Variants in TUSC3 observed in about 807,000 individuals in gnomAD.
TUSC3 encodes the protein dolichyl-diphosphooligosaccharide--protein glycosyltransferase subunit TUSC3.
Under a neutral mutation model 44.8 loss-of-function variants are expected in TUSC3, and 45 were observed. The ratio of observed to expected loss-of-function variants is 1.00; its 90% CI spans 0.79 to 1.29. The LOEUF (loss-of-function observed/expected upper bound fraction) is 1.29, where lower values mean the gene tolerates loss of function less well. TUSC3 is among the 50% of genes most tolerant of loss of function. The pLI is 0.00. For synonymous variants in TUSC3, 212 were observed against 152.9 expected, an observed-to-expected ratio of 1.39 and a Z score of -2.85; for missense variants, 519 against 437.9, an observed-to-expected ratio of 1.19 and a Z score of -1.65.
the TUSC3 span, among the ~76,000 whole-genome samples, chr8:15,839,808 A>G: frequency 1.1e-4 from 16 of 152,204 alleles, no homozygotes; most frequent in Non-Finnish European, 2.4e-4. Context: ...CCATTGTGGA[A>G]GACAGTGTGG....
At chr8:15,672,012 A>G (rs989439471) in intron 5 of TUSC3, among the ~76,000 whole-genome samples, 1 of 152,038 alleles carries the variant, frequency 6.6e-6, no homozygotes, top group African/African-American at 2.4e-5. Context: ...GAAAGGTTCC[A>G]TGGAGAACCA....
intron 2 of TUSC3, among the ~76,000 whole-genome samples, chr8:15,522,924 A>C (rs890716574): frequency 5.3e-5 from 8 of 152,186 alleles, no homozygotes; most frequent in Non-Finnish European, 1.2e-4. Flanking sequence ...CAAGGAGCAG[A>C]GAGAGGCGCA....
At chr8:15,699,775 A>G (rs1043049636) in intron 6 of TUSC3, among the ~76,000 whole-genome samples, 3 of 152,166 alleles carry the variant, frequency 2.0e-5, no homozygotes, top group Non-Finnish European at 4.4e-5. Flanking sequence ...TGTACAGGAA[A>G]AGTCTAATTT....
chr8:15,829,114 A>G, the TUSC3 span, among the ~76,000 whole-genome samples: 1 of 151,840 alleles, frequency 6.6e-6, no homozygotes, highest in African/African-American at 2.4e-5. Flanking sequence ...ATATTTTATT[A>G]TTCTATGTCG....
intron 1 of TUSC3, among the ~76,000 whole-genome samples, chr8:15,451,858 G>C (rs918133862): frequency 6.6e-6 from 1 of 151,930 alleles, no homozygotes; most frequent in Admixed American, 6.6e-5. Context: ...GCTTTGTGTG[G>C]GGGAAAAAAA....
intron 6 of TUSC3, among the ~76,000 whole-genome samples, chr8:15,690,815 T>G (rs1808867029): frequency 6.6e-6 from 1 of 151,946 alleles, no homozygotes; most frequent in African/African-American, 2.4e-5. Context: ...GTTGTAGGTG[T>G]GCAGCATTAC....
intron 1 of TUSC3, among the ~76,000 whole-genome samples, chr8:15,446,269 C>T (rs1275097650): frequency 1.3e-5 from 2 of 152,014 alleles, no homozygotes; most frequent in Admixed American, 6.6e-5. Flanking sequence ...AAGAGGCGCT[C>T]CTCACTTCCC....
intron 2 of TUSC3, among the ~76,000 whole-genome samples, chr8:15,500,987 T>G (rs1337239174): frequency 2.0e-5 from 3 of 152,204 alleles, no homozygotes; most frequent in Non-Finnish European, 4.4e-5. Context: ...AGTAACTCTT[T>G]CTGTATAGCT....
At chr8:15,694,479 G>A (rs1439587046) in intron 6 of TUSC3, among the ~76,000 whole-genome samples, 1 of 149,524 alleles carries the variant, frequency 6.7e-6, no homozygotes, top group Non-Finnish European at 1.5e-5. Flanking sequence ...GGGAACTAGT[G>A]TGGCCATTTG....
chr8:15,442,646 C>T (rs1371526622), intron 1 of TUSC3, among the ~76,000 whole-genome samples: 1 of 152,138 alleles, frequency 6.6e-6, no homozygotes, highest in Non-Finnish European at 1.5e-5. Context: ...ACAGACACCT[C>T]CCCCAACCCC....
intron 1 of TUSC3, among the ~76,000 whole-genome samples, chr8:15,614,275 T>C (rs1804891566): frequency 6.6e-6 from 1 of 152,128 alleles, no homozygotes; most frequent in African/African-American, 2.4e-5. Flanking sequence ...TGAGGCTCAC[T>C]TATGCCCACT....
chr8:15,633,811 A>G (rs531686997), intron 2 of TUSC3, among the ~76,000 whole-genome samples: 1 of 152,316 alleles, frequency 6.6e-6, no homozygotes, highest in Non-Finnish European at 1.5e-5. Context: ...TCTAGCCTCC[A>G]GAACTATGAG....
the TUSC3 span, among the ~76,000 whole-genome samples, chr8:15,829,466 A>G: frequency 6.6e-6 from 1 of 152,128 alleles, no homozygotes; most frequent in South Asian, 2.1e-4. Context: ...GGGTTAATTT[A>G]TCTCAGAGCA....
chr8:15,447,787 C>T (rs1239572917), intron 1 of TUSC3, among the ~76,000 whole-genome samples: 1 of 150,528 alleles, frequency 6.6e-6, no homozygotes. Context: ...TGTAAAATGT[C>T]AGAAAACTAT....
At chr8:15,820,310 CTTTT>C in the TUSC3 span, among the ~76,000 whole-genome samples, 247 of 97,560 alleles carry the variant, frequency 2.5e-3, no homozygotes, top group African/African-American at 8.3e-3. Context: ...ATCTGTAATT[CTTTT>C]TTTTTTTTTT....
At chr8:15,672,540 A>G (rs1455663031) in intron 5 of TUSC3, among the ~76,000 whole-genome samples, 1 of 152,078 alleles carries the variant, frequency 6.6e-6, no homozygotes, top group African/African-American at 2.4e-5. Flanking sequence ...CAACTCGAGT[A>G]TTATAATTTA....
chr8:15,825,411 A>G, the TUSC3 span, among the ~76,000 whole-genome samples: 1 of 152,140 alleles, frequency 6.6e-6, no homozygotes, highest in African/African-American at 2.4e-5. Flanking sequence ...TTAGAAAACC[A>G]TCATATTTTT....
intron 6 of TUSC3, among the ~76,000 whole-genome samples, chr8:15,677,643 C>A (rs1342689831): frequency 1.3e-5 from 2 of 152,132 alleles, no homozygotes; most frequent in African/African-American, 4.8e-5. Flanking sequence ...CTGTCCATGC[C>A]CATATCAGCA....
At chr8:15,643,122 C>T (rs1471053346) in intron 2 of TUSC3, among the ~76,000 whole-genome samples, 1 of 152,128 alleles carries the variant, frequency 6.6e-6, no homozygotes. Flanking sequence ...CTTTGCTTGG[C>T]ACTCCTTCTT....
Sources: allele counts gnomAD v4.1 joint callset (sites outside exome capture counted in the v4.1 genomes callset), GRCh38; gene constraint gnomAD v4.1.1; transcripts MANE v1.5; gene names NCBI Gene and HGNC (gene_info 2026-07-23, HGNC 2026-07-21).